TRIOBP: variants seen among roughly 807,000 people sequenced by gnomAD.
TRIOBP encodes TRIO and F-actin-binding protein.
Under a neutral mutation model 238.8 loss-of-function variants are expected in TRIOBP, and 169 were observed. The observed-to-expected ratio is 0.71, with a 90% confidence interval of 0.62 to 0.80. The LOEUF is 0.80. Ranked by LOEUF, TRIOBP falls within the 30% of genes least tolerant of loss-of-function variation. The pLI is 0.00. For synonymous variants in TRIOBP, 1,150 were observed against 1,274.4 expected, an observed-to-expected ratio of 0.90 and a Z score of 2.08; for missense variants, 2,838 against 3,122.6, an observed-to-expected ratio of 0.91 and a Z score of 2.17.
In TRIOBP at chr22:37,734,981, C is replaced by T. The variant is rs727505081; in HGVS notation, c.4645C>T (p.Arg1549Cys). 2.0e-5 allele frequency: 32 copies of T among 1,613,442 alleles called. No individual in the cohort carries two copies. Among genetic ancestry groups the T allele is most frequent in the Non-Finnish European group, 2.5e-5 (29 of 1,179,954 alleles). Reference protein sequence around the residue: ...WGAEGACPYPRGSERRPELDW... With the variant: ...WGAEGACPYPCGSERRPELDW... ...GGCAGAGGGAGCGTGTCCATACCCGCGTGGCTCTGAGAGGCGACCCGAGCT... is the reference window on the plus strand; with the variant it reads ...GGCAGAGGGAGCGTGTCCATACCCGTGTGGCTCTGAGAGGCGACCCGAGCT... Residue 1549 changes from arginine to cysteine, a missense_variant, in exon 9 of 24, where the codon CGT becomes TGT. Transcript: ENST00000644935.
intron 11 of TRIOBP, chr22:37,746,290 C>CGCGGCGGCGGGCGGCCGAGAGGGGCG: frequency 9.2e-7 from 1 of 1,084,738 alleles, no homozygotes; most frequent in Non-Finnish European, 1.1e-6. Context: ...GGGCCGGAGG[C>CGCGGCGGCGGGCGGCCGAGAGGGGCG]GCGGCGGCGG....
chr22:37,715,763 G>T lies in TRIOBP; in HGVS notation c.457G>T (p.Asp153Tyr). ...ACTTTCTCCTCCCCTTCTCTGGCAG[G>T]ACTGGGACACTGTTGAGAGGCAGGA... ...PDDTSNSSSV[D>Y]WDTVERQEEE... The change falls in exon 6 of 24, where the codon GAC becomes TAC. Residue 153 changes from aspartate (D) to tyrosine (Y), a missense_variant and splice_region_variant. Asp to Tyr is a radical substitution (Grantham distance 160, BLOSUM62 -3). Coordinates refer to ENST00000644935, the MANE Select transcript of TRIOBP (RefSeq NM_001039141.3). 1 of 1,613,866 alleles carries T rather than the reference G, an allele frequency of 6.2e-7. No individual in the cohort carries two copies. The highest frequency in any genetic ancestry group is 1.3e-5 in the African/African-American group (1 of 75,022).
chr22:37,699,909 C>T (rs1321991365), intron 2 of TRIOBP, among the ~76,000 whole-genome samples: 1 of 151,764 alleles, frequency 6.6e-6, no homozygotes, highest in Non-Finnish European at 1.5e-5. Context: ...GATGGAGTCT[C>T]GCTCTGTTGC....
intron 18 of TRIOBP, among the ~76,000 whole-genome samples, chr22:37,767,622 C>G (rs928004549): frequency 1.3e-5 from 2 of 152,172 alleles, no homozygotes; most frequent in Non-Finnish European, 2.9e-5. Context: ...AAAGTCACAT[C>G]GGTTTATGCT....
chr22:37,741,992 C>G (rs376101077), intron 11 of TRIOBP, among the ~76,000 whole-genome samples: 1 of 152,188 alleles, frequency 6.6e-6, no homozygotes, highest in Admixed American at 6.5e-5. Flanking sequence ...GAGTCTCGCT[C>G]TATCGCCCAG....
At chr22:37,705,883 G>A (rs1215589080) in intron 3 of TRIOBP, among the ~76,000 whole-genome samples, 3 of 152,036 alleles carry the variant, frequency 2.0e-5, no homozygotes, top group South Asian at 2.1e-4. Context: ...GCCAAGCCAC[G>A]GAAGATTTCA....
At chr22:37,722,427 CAA>C (rs35646436) in intron 6 of TRIOBP, among the ~76,000 whole-genome samples, 10 of 94,318 alleles carry the variant, frequency 1.1e-4, no homozygotes, top group Admixed American at 1.1e-4. Flanking sequence ...GACTCTGTCT[CAA>C]AAAAAAAAAA....
At chr22:37,706,996 G>A (rs907263798) in intron 3 of TRIOBP, among the ~76,000 whole-genome samples, 3 of 152,010 alleles carry the variant, frequency 2.0e-5, no homozygotes, top group East Asian at 3.9e-4. Context: ...GGCCGGGCGC[G>A]GTGGCTCACG....
At chr22:37,751,016 C>T (rs1925564039) in intron 11 of TRIOBP, 2 of 378,670 alleles carry the variant, frequency 5.3e-6, no homozygotes, top group Admixed American at 3.5e-5. Flanking sequence ...GAGAGGTCTC[C>T]CCAGCAGGAA....
At chr22:37,750,825 A>G (rs1601652845) in intron 11 of TRIOBP, 3 of 448,000 alleles carry the variant, frequency 6.7e-6, no homozygotes, top group Middle Eastern at 6.0e-4. Flanking sequence ...TCCAGCTGCC[A>G]CTGTCACCGC....
chr22:37,747,990 T>C (rs901715267), intron 11 of TRIOBP, among the ~76,000 whole-genome samples: 7 of 152,192 alleles, frequency 4.6e-5, no homozygotes, highest in Non-Finnish European at 1.0e-4. Context: ...GCAGCCTTCC[T>C]GAGGGAGGTG....
chr22:37,755,315 C>T lies in TRIOBP; in HGVS notation c.5577+125C>T, dbSNP rs955518696. On this transcript the variant is annotated intron_variant, in intron 14 of 23. Transcript: ENST00000644935. ...TCCCTTCACTCATTTACCCAGAGGC[C>T]CTATCTTCAGAGCCAGAGCTGTGAT... 4 of 1,087,178 alleles carry T rather than the reference C, an allele frequency of 3.7e-6. No homozygotes were observed. In the African/African-American group the frequency reaches 4.7e-5, roughly 13 times the overall value. The allele number at this position is 1,087,178 out of a possible 1,614,324, so 67.3% of individuals were successfully genotyped here. A position where few individuals can be genotyped will look rare whatever the true frequency, so the allele number is the denominator to read the frequency against.
At position 37,775,218 on chromosome 22, in the gene TRIOBP, CAGCTTTGAAAGATGACTCTTCCAGAT is replaced by C; in HGVS notation, c.*1439_*1464del. On this transcript the variant is annotated 3_prime_UTR_variant, in exon 24 of 24. Coordinates refer to ENST00000644935, the MANE Select transcript of TRIOBP (RefSeq NM_001039141.3). ...GCAGGTAGAAGACTGCCTTTGGAGG[CAGCTTTGAAAGATGACTCTTCCAGAT>C]GGAAGAATCAGGAAGGGCCTTCCCA... 1 of 152,304 alleles carries C rather than the reference CAGCTTTGAAAGATGACTCTTCCAGAT, an allele frequency of 6.6e-6. No individual in the cohort carries two copies. The highest frequency in any genetic ancestry group is 1.9e-4 in the East Asian group (1 of 5,168). 9.4% of individuals were successfully genotyped at this position (152,304 alleles called of 1,614,324 possible).
intron 3 of TRIOBP, among the ~76,000 whole-genome samples, chr22:37,702,148 G>GA (rs959678810): frequency 3.9e-5 from 6 of 151,910 alleles, no homozygotes; most frequent in Admixed American, 3.9e-4. Context: ...GGTAGAAAAA[G>GA]AAAAAACAAA....
Position 37,724,998 on chromosome 22 carries a change from C to T in TRIOBP, c.2442C>T (p.Asn814=). 1.2e-6 allele frequency: 2 copies of T among 1,614,038 alleles called. No homozygotes were observed. The highest frequency in any genetic ancestry group is 1.7e-6 in the Non-Finnish European group (2 of 1,179,898). Reference sequence around the variant, plus strand: ...CCATCAGAGCCACCCAACAGGACAACCCCAGAACTTGTATTCAACAGAACA... The same window carrying T: ...CCATCAGAGCCACCCAACAGGACAATCCCAGAACTTGTATTCAACAGAACA... ...SSPIRATQQD[N]PRTCIQQNIP... The change falls in exon 7 of 24, where the codon AAC becomes AAT. Residue 814 remains asparagine, a synonymous_variant. Transcript: ENST00000644935.
intron 15 of TRIOBP, among the ~76,000 whole-genome samples, chr22:37,756,458 C>T (rs1925925488): frequency 6.6e-6 from 1 of 152,218 alleles, no homozygotes; most frequent in South Asian, 2.1e-4. Context: ...CCCCATCTGT[C>T]ACGTTAGCAT....
At chr22:37,754,214 A>G (rs1343559754) in intron 12 of TRIOBP, among the ~76,000 whole-genome samples, 1 of 152,154 alleles carries the variant, frequency 6.6e-6, no homozygotes, top group Admixed American at 6.5e-5. Flanking sequence ...GTTTGAGACC[A>G]GCCTGGCTGA....
At chr22:37,720,000 CTTTTTTTTTTTTT>C (rs869261824) in intron 6 of TRIOBP, among the ~76,000 whole-genome samples, 2 of 54,348 alleles carry the variant, frequency 3.7e-5, no homozygotes, top group African/African-American at 7.6e-5. Flanking sequence ...CCCCCCCGCC[CTTTTTTTTTTTTT>C]TTTTTTTTTT....
Position 37,725,865 on chromosome 22 carries a change from C to G in TRIOBP, c.3309C>G (p.His1103Gln). The G allele has an allele frequency of 2.5e-6, 4 of 1,613,136 alleles. No individual in the cohort carries two copies. The highest frequency in any genetic ancestry group is 2.5e-6 in the Non-Finnish European group (3 of 1,179,748). ...DAEHQCQSPQ[H>Q]EPLQLPAPVC... ...AGCATCAGTGTCAGTCCCCCCAACACGAGCCCCTTCAGCTCCCTGCACCTG... is the reference window on the plus strand; with the variant it reads ...AGCATCAGTGTCAGTCCCCCCAACAGGAGCCCCTTCAGCTCCCTGCACCTG... The change falls in exon 7 of 24, where the codon CAC (histidine) becomes CAG (glutamine). Residue 1103 changes from histidine to glutamine, a missense_variant. Coordinates refer to ENST00000644935, the MANE Select transcript of TRIOBP (RefSeq NM_001039141.3).
Sources: allele counts gnomAD v4.1 joint callset (sites outside exome capture counted in the v4.1 genomes callset), GRCh38; gene constraint gnomAD v4.1.1; transcripts MANE v1.5; gene names NCBI Gene and HGNC (gene_info 2026-07-23, HGNC 2026-07-21).